Variants in EXPH5 observed in about 807,000 individuals in gnomAD.
EXPH5 encodes exophilin 5.
EXPH5 carries 42 observed loss-of-function variants against 41.1 expected under a neutral mutation model. The observed-to-expected ratio is 1.02, with a 90% CI of 0.80 to 1.32. The LOEUF is 1.32. Ranked by LOEUF, EXPH5 falls within the 40% of genes most tolerant of loss-of-function variation. The pLI is 0.00. For missense variants in EXPH5, 2,298 were observed against 2,314.5 expected, an observed-to-expected ratio of 0.99 and a Z score of 0.15; for synonymous variants, 798 against 833.5, an observed-to-expected ratio of 0.96 and a Z score of 0.73.
chr11:108,515,975 G>A (rs2093723148), intron 5 of EXPH5, among the ~76,000 whole-genome samples: 1 of 151,762 alleles, frequency 6.6e-6, no homozygotes. Context: ...GGGAGGCTGA[G>A]GCAGGAGAAT....
At chr11:108,517,143 A>G (rs17108130) in intron 5 of EXPH5, among the ~76,000 whole-genome samples, 4,295 of 152,302 alleles carry the variant, frequency 0.028, 180 homozygotes, top group African/African-American at 0.093. Context: ...CCATGACAAG[A>G]TTTTAAATTA....
At chr11:108,605,623 A>C in the EXPH5 span, among the ~76,000 whole-genome samples, 1 of 152,210 alleles carries the variant, frequency 6.6e-6, no homozygotes. Context: ...TGAGGCCAAG[A>C]AACTTTGTGT....
At chr11:108,547,789 G>C (rs2136048361) in intron 1 of EXPH5, among the ~76,000 whole-genome samples, 1 of 152,156 alleles carries the variant, frequency 6.6e-6, no homozygotes, top group East Asian at 1.9e-4. Flanking sequence ...TTTGTGACTT[G>C]GCAATTGAGC....
chr11:108,539,241 T>C (rs1407702487), intron 2 of EXPH5, 55 bp from the exon 3 acceptor site: 8 of 1,270,120 alleles, frequency 6.3e-6, no homozygotes, highest in Admixed American at 6.2e-5. Context: ...TAAATATACT[T>C]GAAAGAATGA....
At chr11:108,583,789 A>G (rs573021512) in intron 1 of EXPH5, among the ~76,000 whole-genome samples, 74 of 152,346 alleles carry the variant, frequency 4.9e-4, no homozygotes, top group African/African-American at 1.8e-3. Flanking sequence ...ACTCCTATTC[A>G]ACATCATGCT....
chr11:108,510,302 G>C lies in EXPH5; in HGVS notation c.5205C>G (p.Ile1735Met). Reference sequence around the variant, plus strand: ...CTGCTTCCCTGAGGCTGGTGAATGTGATGGGTGATGGGGCTCCTGATTCTC... The same window carrying C: ...CTGCTTCCCTGAGGCTGGTGAATGTCATGGGTGATGGGGCTCCTGATTCTC... ...LVRESGAPSP[I>M]TFTSLREAEF... The change falls in exon 6 of 6, where the codon ATC becomes ATG. Residue 1735 changes from isoleucine to methionine, a missense_variant. Ile to Met is a conservative substitution (Grantham distance 10). Transcript: ENST00000265843. 1 of 1,614,158 alleles carries C rather than the reference G, an allele frequency of 6.2e-7. No homozygotes were observed. The highest frequency in any genetic ancestry group is 8.5e-7 in the Non-Finnish European group (1 of 1,180,026).
In EXPH5 at chr11:108,510,087, A is replaced by C; in HGVS notation, c.5420T>G (p.Leu1807Arg). 1 of 1,612,104 alleles carries C rather than the reference A, an allele frequency of 6.2e-7. No homozygotes were observed. The highest frequency in any genetic ancestry group is 8.5e-7 in the Non-Finnish European group (1 of 1,179,492). Residue 1807 changes from leucine to arginine, a missense_variant, in exon 6 of 6, where the codon CTA becomes CGA. Transcript: ENST00000265843. ...LKSINVHGDL[L>R]RKSHPPKVRE... ...GACTTTTGGAGGATGGCTTTTTCGT[A>C]GTAGATCGCCATGAACATTAATGCT...
At chr11:108,600,594 T>C in the EXPH5 span, among the ~76,000 whole-genome samples, 2 of 152,230 alleles carry the variant, frequency 1.3e-5, no homozygotes, top group Admixed American at 1.3e-4. Context: ...TACTAGTGTC[T>C]GGGTGGAAGA....
intron 1 of EXPH5, among the ~76,000 whole-genome samples, chr11:108,583,122 C>A (rs1323678870): frequency 3.3e-5 from 5 of 152,038 alleles, no homozygotes; most frequent in Non-Finnish European, 7.4e-5. Context: ...GTGGCTCATG[C>A]CTGTAATCCC....
chr11:108,572,970 G>A (rs1379044957), intron 1 of EXPH5, among the ~76,000 whole-genome samples: 1 of 151,696 alleles, frequency 6.6e-6, no homozygotes, highest in Non-Finnish European at 1.5e-5. Flanking sequence ...AATCCTAGCA[G>A]TCTGGGAGGA....
chr11:108,599,825 GC>G, the EXPH5 span, among the ~76,000 whole-genome samples: 936 of 152,328 alleles, frequency 6.1e-3, 7 homozygotes, highest in African/African-American at 0.021. Flanking sequence ...GTAAGTGAGA[GC>G]ACTGACAATG....
chr11:108,510,164 T>C lies in EXPH5; in HGVS notation c.5343A>G (p.Ser1781=). The change falls in exon 6 of 6, where the codon TCA becomes TCG. Residue 1781 remains serine (S), a synonymous_variant. Transcript: ENST00000265843. ...ASFLQQQRSA[S]SLEWEPEPHL... ...GTGGCTCAGGTTCCCACTCCAGAGATGAAGCACTCCTTTGTTGCTGCAGAA... is the reference window on the plus strand; with the variant it reads ...GTGGCTCAGGTTCCCACTCCAGAGACGAAGCACTCCTTTGTTGCTGCAGAA... The C allele has an allele frequency of 9.3e-6, 15 of 1,614,078 alleles. No individual in the cohort carries two copies. The highest frequency in any genetic ancestry group is 1.3e-5 in the Non-Finnish European group (15 of 1,180,032).
chr11:108,574,141 C>T (rs1433813716), intron 1 of EXPH5, among the ~76,000 whole-genome samples: 8 of 151,672 alleles, frequency 5.3e-5, no homozygotes, highest in African/African-American at 1.9e-4. Flanking sequence ...GATCTCCTGA[C>T]CTCCTGATTC....
intron 1 of EXPH5, among the ~76,000 whole-genome samples, chr11:108,556,682 C>T (rs943516747): frequency 6.6e-6 from 1 of 152,184 alleles, no homozygotes; most frequent in Admixed American, 6.5e-5. Flanking sequence ...GCCATGTTGG[C>T]CAGGCTGGTC....
intron 3 of EXPH5, 76 bp from the exon 4 acceptor site, chr11:108,528,260 T>C: frequency 1.0e-6 from 1 of 981,960 alleles, no homozygotes; most frequent in Non-Finnish European, 1.6e-6. Context: ...ACAGCACATT[T>C]GCCATAAGAT....
chr11:108,565,134 G>T lies in EXPH5; in HGVS notation c.120-23322C>A, dbSNP rs547220110. 2.6e-5 allele frequency among the ~76,000 whole-genome samples: 4 copies of T among 152,148 alleles called. No individual in the cohort carries two copies. In the East Asian group the frequency reaches 7.7e-4, roughly 29 times the overall value. ...TTGGCCAGGCTGGTGTCAAACTCCT[G>T]ACCTCAGGTGATCCGCCCACCTCCA... is the stretch of plus-strand genomic sequence containing the variant. On this transcript the variant is annotated intron_variant, in intron 1 of 5. Coordinates refer to ENST00000265843, the MANE Select transcript of EXPH5 (RefSeq NM_015065.3).
chr11:108,592,879 C>A (rs1474722595), intron 1 of EXPH5, among the ~76,000 whole-genome samples: 1 of 152,240 alleles, frequency 6.6e-6, no homozygotes, highest in Admixed American at 6.5e-5. Context: ...TTTCGCCTCC[C>A]GTGAGGTGCC....
intron 1 of EXPH5, among the ~76,000 whole-genome samples, chr11:108,575,807 C>T (rs1368024800): frequency 6.6e-6 from 1 of 152,082 alleles, no homozygotes; most frequent in African/African-American, 2.4e-5. Flanking sequence ...AAACCCATCT[C>T]TACTAAAAAT....
rs767024124 is a variant in EXPH5, at chr11:108,511,961, C to G, written c.3546G>C (p.Lys1182Asn). The change falls in exon 6 of 6, where the codon AAG becomes AAC. Residue 1182 changes from lysine to asparagine, a missense_variant. Coordinates refer to ENST00000265843, the MANE Select transcript of EXPH5 (RefSeq NM_015065.3). ...DCSLTKRQHQKENFQEYTEKE... is the reference protein window; with the variant it reads ...DCSLTKRQHQNENFQEYTEKE... ...TCTCAGTGTATTCTTGGAAGTTTTC[C>G]TTTTGGTGTTGTCTTTTGGTTAAAG... 1.2e-6 allele frequency: 2 copies of G among 1,600,020 alleles called. No individual in the cohort carries two copies. The highest frequency in any genetic ancestry group is 2.7e-5 in the African/African-American group (2 of 73,886).
Sources: allele counts gnomAD v4.1 joint callset (sites outside exome capture counted in the v4.1 genomes callset), GRCh38; gene constraint gnomAD v4.1.1; transcripts MANE v1.5; gene names NCBI Gene and HGNC (gene_info 2026-07-23, HGNC 2026-07-21).